ERMP1: variants seen among roughly 807,000 people sequenced by gnomAD.
ERMP1 encodes endoplasmic reticulum metallopeptidase 1.
ERMP1 carries 86 observed loss-of-function variants against 92.0 expected under a neutral mutation model. The ratio of observed to expected loss-of-function variants is 0.93; its 90% CI spans 0.79 to 1.12. ERMP1 has a LOEUF of 1.12. Among genes scored for constraint, ERMP1 ranks in the 50% most tolerant of loss-of-function variants. ERMP1 has a pLI of 0.00. For synonymous variants in ERMP1, 530 were observed against 412.8 expected (o/e 1.28, Z -3.44); for missense variants, 1,342 against 1,116.3 (o/e 1.20, Z -2.88).
intron 2 of ERMP1, among the ~76,000 whole-genome samples, chr9:5,829,863 T>C (rs958212432): frequency 3.3e-5 from 5 of 152,204 alleles, no homozygotes; most frequent in African/African-American, 4.8e-5. Flanking sequence ...TCCATCCCTA[T>C]TTACAATCCC....
intron 13 of ERMP1, among the ~76,000 whole-genome samples, chr9:5,794,388 G>C (rs1421864631): frequency 6.6e-6 from 1 of 151,718 alleles, no homozygotes; most frequent in Admixed American, 6.6e-5. Flanking sequence ...AAAAAAGGAA[G>C]AACAAATTAA....
At chr9:5,847,103 C>G (rs535332973) in intron 6 of ERMP1, among the ~76,000 whole-genome samples, 2 of 152,164 alleles carry the variant, frequency 1.3e-5, no homozygotes, top group Non-Finnish European at 2.9e-5. Context: ...AGGGAAGAGA[C>G]GCCAGTAAAT....
chr9:5,834,703 A>ATATGTGTGTGTG (rs1554627430), upstream of ERMP1, among the ~76,000 whole-genome samples: 20 of 122,996 alleles, frequency 1.6e-4, no homozygotes, highest in East Asian at 1.3e-3. Flanking sequence ...GTATGTATAT[A>ATATGTGTGTGTG]TGTGTGTGTG....
At position 5,791,179 on chromosome 9, in the gene ERMP1, A is replaced by AAG. The variant is rs201299904; in HGVS notation, c.2387-3588_2387-3587dup. 2,887 of 443,578 alleles carry AAG rather than the reference A, an allele frequency of 6.5e-3. 16 individuals are homozygous for AAG. Among genetic ancestry groups the AAG allele is most frequent in the Admixed American group, 0.016 (645 of 41,274 alleles). 27.5% of individuals were successfully genotyped at this position (443,578 alleles called of 1,614,324 possible). The stretch of plus-strand genomic sequence containing the variant: ...AACCAACAGGATGTGTACAGAGAGA[A>AAG]AGAGAGAGAGAGACAGAGAGAGTGA... On this transcript the variant is annotated intron_variant, in intron 13 of 14. Transcript: ENST00000339450.
intron 8 of ERMP1, among the ~76,000 whole-genome samples, chr9:5,809,564 C>T (rs1393494962): frequency 1.3e-5 from 2 of 152,156 alleles, no homozygotes; most frequent in Non-Finnish European, 2.9e-5. Flanking sequence ...TTCTTTTAGG[C>T]AACAAATACT....
intron 6 of ERMP1, among the ~76,000 whole-genome samples, chr9:5,852,431 T>C (rs948297606): frequency 2.0e-5 from 3 of 151,974 alleles, no homozygotes; most frequent in Admixed American, 1.3e-4. Context: ...AATTTTTGTA[T>C]ATTTTGTAGA....
chr9:5,865,929 G>C (rs891078425), intron 5 of ERMP1, among the ~76,000 whole-genome samples: 1 of 151,210 alleles, frequency 6.6e-6, no homozygotes, highest in African/African-American at 2.4e-5. Flanking sequence ...CTAAAAGTTA[G>C]CAGGGTTTAT....
intron 10 of ERMP1, among the ~76,000 whole-genome samples, chr9:5,802,415 C>T (rs1487306931): frequency 2.0e-5 from 3 of 152,152 alleles, no homozygotes; most frequent in Non-Finnish European, 2.9e-5. Context: ...GACAGAGTCT[C>T]GCTCTGTCAC....
intron 10 of ERMP1, among the ~76,000 whole-genome samples, chr9:5,802,042 GGTCT>G (rs2131220443): frequency 6.6e-6 from 1 of 152,240 alleles, no homozygotes; most frequent in African/African-American, 2.4e-5. Context: ...TCCCTTACAG[GGTCT>G]GAAGAAGCCA....
At chr9:5,865,865 A>G (rs1830644636) in intron 5 of ERMP1, among the ~76,000 whole-genome samples, 1 of 150,358 alleles carries the variant, frequency 6.7e-6, no homozygotes, top group Non-Finnish European at 1.5e-5. Context: ...AAATGATAAT[A>G]TAAGTAAATA....
intron 5 of ERMP1, among the ~76,000 whole-genome samples, chr9:5,859,761 T>G (rs1005815996): frequency 1.3e-5 from 2 of 152,212 alleles, no homozygotes; most frequent in African/African-American, 2.4e-5. Context: ...TGGCACATAG[T>G]TGATGCTTAC....
In ERMP1 at chr9:5,787,426, G is replaced by A. The variant is rs375457319; in HGVS notation, c.2550+4C>T. 8.0e-5 allele frequency: 129 copies of A among 1,610,690 alleles called. No homozygotes were observed. The Admixed American group carries it at 8.5e-4, about 11-fold the overall frequency. On this transcript the variant is annotated splice_donor_region_variant and intron_variant, in intron 14 of 14. Coordinates refer to ENST00000339450, the MANE Select transcript of ERMP1 (RefSeq NM_024896.3). ...TGAAACAAACAATGCTGGGAAATTG[G>A]CACCTGCACTTCTATCCAGAACTGC... is the stretch of plus-strand genomic sequence containing the variant.
chr9:5,803,283 G>A (rs1468799227), intron 10 of ERMP1, among the ~76,000 whole-genome samples: 1 of 152,202 alleles, frequency 6.6e-6, no homozygotes, highest in Admixed American at 6.5e-5. Context: ...TCAAAGTGCG[G>A]CAGGGCTATT....
chr9:5,820,523 C>G (rs1829493150), intron 4 of ERMP1, among the ~76,000 whole-genome samples: 1 of 152,136 alleles, frequency 6.6e-6, no homozygotes, highest in Non-Finnish European at 1.5e-5. Flanking sequence ...TGCTATCAAG[C>G]CTCTCTCACT....
upstream of ERMP1, chr9:5,833,185 C>A: frequency 1.5e-6 from 1 of 679,092 alleles, no homozygotes; most frequent in South Asian, 2.5e-5. Flanking sequence ...CGCCAAGACC[C>A]AGCTTCTTTG....
exon 6 of ERMP1, among the ~76,000 whole-genome samples, chr9:5,859,496 G>C (rs1830431934): frequency 2.0e-5 from 3 of 152,190 alleles, no homozygotes; most frequent in Non-Finnish European, 4.4e-5. Flanking sequence ...AGACTCTCCA[G>C]AGTTCCAATC....
intron 13 of ERMP1, among the ~76,000 whole-genome samples, chr9:5,796,637 T>C (rs1166230046): frequency 6.6e-6 from 1 of 152,176 alleles, no homozygotes; most frequent in Non-Finnish European, 1.5e-5. Context: ...AAAGGCTACA[T>C]ACTCTGTGCT....
At chr9:5,859,130 CCTCT>C (rs1374413144) in intron 6 of ERMP1, among the ~76,000 whole-genome samples, 2 of 152,152 alleles carry the variant, frequency 1.3e-5, no homozygotes, top group African/African-American at 4.8e-5. Context: ...CAAGTCATGT[CCTCT>C]CTCTGTGTTC....
At chr9:5,808,400 G>T (rs929136721) in intron 8 of ERMP1, among the ~76,000 whole-genome samples, 8 of 152,182 alleles carry the variant, frequency 5.3e-5, no homozygotes, top group African/African-American at 1.9e-4. Context: ...GGGAACTGAA[G>T]CCACTAAGAT....
Sources: gnomAD v4.1 joint callset for allele counts (sites outside exome capture counted in the v4.1 genomes callset) on GRCh38, gnomAD v4.1.1 for gene constraint, MANE v1.5 for transcripts, NCBI Gene and HGNC (gene_info 2026-07-23, HGNC 2026-07-21) for gene names.